The following CAST variants were observed in gnomAD, a reference collection of about 807,000 sequenced individuals.
CAST encodes the protein MIR583 host.
In CAST, 76 loss-of-function variants were observed where a neutral mutation model predicts 119.6. The observed-to-expected ratio is 0.64, with a 90% CI of 0.53 to 0.77. The LOEUF is 0.77. Among genes scored for constraint, CAST ranks in the 30% least tolerant of loss-of-function variants. The probability of loss-of-function intolerance (pLI) is 0.00; values close to 1 mark genes in which losing one functional copy is unlikely to be tolerated. For synonymous variants in CAST, 319 were observed against 331.6 expected, an observed-to-expected ratio of 0.96 and a Z score of 0.41; for missense variants, 953 against 946.5, an observed-to-expected ratio of 1.01 and a Z score of -0.09.
chr5:96,021,657 A>G, the CAST span, among the ~76,000 whole-genome samples: 596 of 152,228 alleles, frequency 3.9e-3, no homozygotes, highest in African/African-American at 9.6e-3. Flanking sequence ...TGTGTTAGCC[A>G]GGATGGTCTT....
At chr5:96,479,813 G>A in the CAST span, among the ~76,000 whole-genome samples, 1 of 152,032 alleles carries the variant, frequency 6.6e-6, no homozygotes, top group African/African-American at 2.4e-5. Context: ...GAGTGAGGTG[G>A]GAATTGTAGT....
the CAST span, among the ~76,000 whole-genome samples, chr5:95,996,142 G>A: frequency 4.6e-5 from 7 of 152,118 alleles, no homozygotes; most frequent in East Asian, 7.7e-4. Context: ...CCAGTCTGAC[G>A]CACTGAGGAA....
In CAST at chr5:96,770,582, A is replaced by G. The variant is rs557813558; in HGVS notation, c.2320A>G (p.Lys774Glu). The G allele has an allele frequency of 1.2e-5, 20 of 1,612,316 alleles. No homozygotes were observed. The South Asian group carries it at 1.5e-4, about 12-fold the overall frequency. Residue 774 changes from lysine (K) to glutamate (E), a missense_variant, in exon 30 of 32, where the codon AAA becomes GAA. Transcript: ENST00000675179. Reference protein sequence around the residue: ...SSSKAPKNGGKAKDSAKTTEE... With the variant: ...SSSKAPKNGGEAKDSAKTTEE... ...CTCCAAAGCACCTAAGAATGGAGGT[A>G]AAGCGAAGGATTCAGCAAAGGTAAA...
the CAST span, among the ~76,000 whole-genome samples, chr5:96,120,639 A>C: frequency 6.7e-6 from 1 of 148,566 alleles, no homozygotes; most frequent in African/African-American, 2.4e-5. Context: ...TCACTGATCA[A>C]AGCATATGTA....
At chr5:96,157,697 T>C in the CAST span, among the ~76,000 whole-genome samples, 4 of 152,250 alleles carry the variant, frequency 2.6e-5, no homozygotes, top group East Asian at 5.8e-4. Flanking sequence ...TAGCCAGCAA[T>C]TGGCCTTCTC....
the CAST span, among the ~76,000 whole-genome samples, chr5:96,389,902 T>G: frequency 6.6e-6 from 1 of 151,900 alleles, no homozygotes; most frequent in Non-Finnish European, 1.5e-5. Flanking sequence ...GCCATTGCAC[T>G]GTAGTCCGGG....
the CAST span, among the ~76,000 whole-genome samples, chr5:96,389,040 T>C: frequency 9.2e-5 from 14 of 152,130 alleles, no homozygotes; most frequent in Non-Finnish European, 1.5e-5. Flanking sequence ...ATGTGGAATT[T>C]TTAAAAAGTC....
the CAST span, among the ~76,000 whole-genome samples, chr5:96,117,787 A>G: frequency 3.4e-3 from 512 of 152,304 alleles, 2 homozygotes; most frequent in Middle Eastern, 0.01. Context: ...TTTGAAAAGG[A>G]CAAACTATTT....
At chr5:96,138,424 T>C in the CAST span, among the ~76,000 whole-genome samples, 1 of 151,984 alleles carries the variant, frequency 6.6e-6, no homozygotes, top group African/African-American at 2.4e-5. Context: ...CCAACACTGT[T>C]CTTCTTCTTT....
the CAST span, among the ~76,000 whole-genome samples, chr5:96,499,446 T>A: frequency 6.6e-6 from 1 of 152,254 alleles, no homozygotes; most frequent in African/African-American, 2.4e-5. Flanking sequence ...AAAACTACTT[T>A]ATGCTAAAAA....
At chr5:96,474,980 C>T in the CAST span, among the ~76,000 whole-genome samples, 1 of 152,122 alleles carries the variant, frequency 6.6e-6, no homozygotes, top group East Asian at 1.9e-4. Flanking sequence ...AATAATAATA[C>T]GTAAAACTGT....
At chr5:96,534,765 G>T (rs1215526470) in intron 1 of CAST, among the ~76,000 whole-genome samples, 1 of 105,788 alleles carries the variant, frequency 9.5e-6, no homozygotes. Context: ...AAGAAAGAAA[G>T]AAAGAAAGAA....
the CAST span, among the ~76,000 whole-genome samples, chr5:96,008,058 C>A: frequency 6.6e-6 from 1 of 151,878 alleles, no homozygotes; most frequent in East Asian, 1.9e-4. Flanking sequence ...TCACCAAAAA[C>A]TGAATCAGCT....
At chr5:96,670,214 A>G (rs2150234704) in intron 1 of CAST, among the ~76,000 whole-genome samples, 1 of 152,332 alleles carries the variant, frequency 6.6e-6, no homozygotes, top group South Asian at 2.1e-4. Flanking sequence ...GCCACATTGA[A>G]GAAGGAAAAT....
At chr5:96,138,753 T>C in the CAST span, among the ~76,000 whole-genome samples, 4 of 152,028 alleles carry the variant, frequency 2.6e-5, no homozygotes, top group Admixed American at 6.6e-5. Flanking sequence ...AGCTTCAGAT[T>C]CCAATTGTTC....
intron 1 of CAST, among the ~76,000 whole-genome samples, chr5:96,642,635 G>T (rs1306044744): frequency 6.6e-6 from 1 of 151,154 alleles, no homozygotes; most frequent in African/African-American, 2.4e-5. Context: ...TCCACCTCCT[G>T]GATTCAAGCA....
the CAST span, among the ~76,000 whole-genome samples, chr5:95,988,435 GCAATGAT>G: frequency 6.6e-6 from 1 of 152,030 alleles, no homozygotes; most frequent in Non-Finnish European, 1.5e-5. Flanking sequence ...GAAGGAGCTG[GCAATGAT>G]AAGGGAAGTC....
chr5:96,068,593 A>ATGTGTGTGTGTG, the CAST span, among the ~76,000 whole-genome samples: 142 of 142,264 alleles, frequency 1.0e-3, 1 homozygote, highest in African/African-American at 3.6e-3. Context: ...CAATAGGATT[A>ATGTGTGTGTGTG]TGTGTGTGTG....
At chr5:96,448,990 A>G in the CAST span, among the ~76,000 whole-genome samples, 3 of 152,172 alleles carry the variant, frequency 2.0e-5, no homozygotes, top group African/African-American at 7.2e-5. Flanking sequence ...AAAAACAACA[A>G]TTCTCTGCCC....
Sources: gnomAD v4.1 joint callset for allele counts (sites outside exome capture counted in the v4.1 genomes callset) on GRCh38, gnomAD v4.1.1 for gene constraint, MANE v1.5 for transcripts, NCBI Gene and HGNC (gene_info 2026-07-23, HGNC 2026-07-21) for gene names.